CRTC3: variants seen among roughly 807,000 people sequenced by gnomAD.
CRTC3 encodes the protein CREB-regulated transcription coactivator 3.
A neutral mutation model predicts 74.5 loss-of-function variants in CRTC3; 26 were observed. That is an observed-to-expected ratio of 0.35 (90% CI 0.26 to 0.48). The LOEUF (loss-of-function observed/expected upper bound fraction) is 0.48, where lower values mean the gene tolerates loss of function less well. Ranked by LOEUF, CRTC3 falls within the 20% of genes least tolerant of loss-of-function variation. The pLI, the probability that CRTC3 is intolerant of heterozygous loss-of-function variation, is 0.99. For synonymous variants in CRTC3, 377 were observed against 325.8 expected (o/e 1.16, Z -1.69); for missense variants, 760 against 787.3 (o/e 0.97, Z 0.41).
At chr15:90,590,415 G>A (rs1376646081) in intron 2 of CRTC3, among the ~76,000 whole-genome samples, 2 of 152,132 alleles carry the variant, frequency 1.3e-5, no homozygotes, top group East Asian at 3.9e-4. Flanking sequence ...TTGGCCTTTT[G>A]AGTGGCACGT....
In CRTC3 at chr15:90,644,715, C is replaced by G; in HGVS notation, c.*2575C>G. ...GAAGGTGTGGAGGACTCACCACGGG[C>G]AGGGTCGCCCTGGCCCACAGCACGT... On this transcript the variant is annotated 3_prime_UTR_variant, in exon 15 of 15. Transcript: ENST00000268184. 4.3e-6 allele frequency: 1 copy of G among 232,630 alleles called. No individual in the cohort carries two copies. 14.4% of individuals were successfully genotyped at this position (232,630 alleles called of 1,614,324 possible).
At chr15:90,557,246 T>A (rs536609605) in intron 2 of CRTC3, among the ~76,000 whole-genome samples, 20 of 152,222 alleles carry the variant, frequency 1.3e-4, no homozygotes, top group Admixed American at 8.5e-4. Flanking sequence ...AACCTTGTAC[T>A]TCTAGGTAGG....
chr15:90,620,792 C>T lies in CRTC3; in HGVS notation c.749+1002C>T, dbSNP rs567636497. Among the ~76,000 whole-genome samples the T allele has an allele frequency of 8.1e-4, 124 of 152,280 alleles. 1 individual carries two copies. Among genetic ancestry groups the T allele is most frequent in the Non-Finnish European group, 1.4e-3 (94 of 68,022 alleles). ...GAAATGGGATTCTTGCATGATCTGA[C>T]TTAGTACATACAATCACCAGTGGGT... On this transcript the variant is annotated intron_variant, in intron 9 of 14. Transcript: ENST00000268184.
At chr15:90,632,643 C>T (rs1484329753) in intron 11 of CRTC3, among the ~76,000 whole-genome samples, 1 of 152,156 alleles carries the variant, frequency 6.6e-6, no homozygotes, top group African/African-American at 2.4e-5. Context: ...CTTGCTCTGT[C>T]ACCCAGGCTG....
intron 2 of CRTC3, among the ~76,000 whole-genome samples, chr15:90,577,093 C>T (rs185024158): frequency 6.6e-6 from 1 of 152,206 alleles, no homozygotes; most frequent in East Asian, 1.9e-4. Context: ...GCTCAGGCTG[C>T]CATGCAGTGG....
intron 1 of CRTC3, among the ~76,000 whole-genome samples, chr15:90,534,736 T>C (rs1465515270): frequency 5.9e-5 from 9 of 152,198 alleles, no homozygotes; most frequent in Non-Finnish European, 2.9e-5. Context: ...AGAAAGGCCA[T>C]GGATGTGGTC....
chr15:90,636,802 A>T (rs1969255584), intron 11 of CRTC3, among the ~76,000 whole-genome samples: 1 of 152,252 alleles, frequency 6.6e-6, no homozygotes, highest in Non-Finnish European at 1.5e-5. Context: ...CACATGAAAA[A>T]ATGCTCATCA....
intron 9 of CRTC3, among the ~76,000 whole-genome samples, chr15:90,624,503 C>T (rs1034769429): frequency 6.6e-6 from 1 of 152,174 alleles, no homozygotes; most frequent in African/African-American, 2.4e-5. Flanking sequence ...TGCCCTGACA[C>T]CTGACACCTC....
At chr15:90,579,973 T>G (rs752954580) in intron 2 of CRTC3, among the ~76,000 whole-genome samples, 3 of 152,146 alleles carry the variant, frequency 2.0e-5, no homozygotes, top group Non-Finnish European at 2.9e-5. Flanking sequence ...AGTTTTATAT[T>G]ACATGCTGAT....
chr15:90,618,220 A>AAC (rs1968546498), intron 8 of CRTC3: 1 of 258,980 alleles, frequency 3.9e-6, no homozygotes, highest in Non-Finnish European at 7.3e-6. Flanking sequence ...AAAAAAAAAA[A>AAC]AACCCTGCTA....
At chr15:90,591,571 C>A (rs1282681734) in intron 2 of CRTC3, among the ~76,000 whole-genome samples, 1 of 152,232 alleles carries the variant, frequency 6.6e-6, no homozygotes, top group African/African-American at 2.4e-5. Context: ...AATCCCAACA[C>A]TTTGGGAGGC....
intron 1 of CRTC3, among the ~76,000 whole-genome samples, chr15:90,534,577 G>GGTTGGTTT (rs1409466494): frequency 1.3e-5 from 2 of 152,004 alleles, no homozygotes; most frequent in Admixed American, 6.6e-5. Flanking sequence ...TTGGTTGGTT[G>GGTTGGTTT]GTTTTAATTA....
At chr15:90,584,368 G>T (rs746918906) in intron 2 of CRTC3, among the ~76,000 whole-genome samples, 17 of 151,714 alleles carry the variant, frequency 1.1e-4, no homozygotes, top group Non-Finnish European at 2.4e-4. Flanking sequence ...CTCCCCAGTA[G>T]CTGGGATTAC....
chr15:90,592,457 C>T (rs118138191), intron 2 of CRTC3, among the ~76,000 whole-genome samples: 3,028 of 152,240 alleles, frequency 0.02, 47 homozygotes, highest in Non-Finnish European at 0.03. Context: ...TACACATTGC[C>T]TCATTATGTG....
intron 1 of CRTC3, among the ~76,000 whole-genome samples, chr15:90,533,724 G>A (rs149117374): frequency 4.3e-4 from 65 of 152,270 alleles, no homozygotes; most frequent in African/African-American, 1.5e-3. Flanking sequence ...AGGATTTAAT[G>A]AGGAAGACAT....
chr15:90,620,924 G>A (rs1029272029), intron 9 of CRTC3, among the ~76,000 whole-genome samples: 1 of 152,186 alleles, frequency 6.6e-6, no homozygotes, highest in Admixed American at 6.5e-5. Context: ...TCTCTACTGA[G>A]TACCTGGAGC....
chr15:90,620,901 G>T (rs758739715), intron 9 of CRTC3, among the ~76,000 whole-genome samples: 1 of 152,138 alleles, frequency 6.6e-6, no homozygotes, highest in African/African-American at 2.4e-5. Flanking sequence ...TCACAGCAGC[G>T]CAGTCAAGGC....
At chr15:90,626,104 A>ATGAT in intron 10 of CRTC3, 111 bp downstream of exon 10, 1 of 828,086 alleles carries the variant, frequency 1.2e-6, no homozygotes, top group East Asian at 2.4e-5. Flanking sequence ...CCAGTTAGAG[A>ATGAT]TGATAATGTA....
chr15:90,587,042 C>G (rs1005889326), intron 2 of CRTC3, among the ~76,000 whole-genome samples: 12 of 152,186 alleles, frequency 7.9e-5, no homozygotes, highest in African/African-American at 2.7e-4. Flanking sequence ...TAATGATATG[C>G]CAACAGTACA....
Sources: allele counts gnomAD v4.1 joint callset (sites outside exome capture counted in the v4.1 genomes callset), GRCh38; gene constraint gnomAD v4.1.1; transcripts MANE v1.5; gene names NCBI Gene and HGNC (gene_info 2026-07-23, HGNC 2026-07-21).